Variants in SYNE2 observed in about 807,000 individuals in gnomAD.
The protein encoded by SYNE2 is spectrin repeat containing nuclear envelope protein 2.
Under a neutral mutation model 856.3 loss-of-function variants are expected in SYNE2, and 431 were observed. That is an observed-to-expected ratio of 0.50 (90% CI 0.47 to 0.55). SYNE2 has a LOEUF of 0.55. SYNE2 is among the 20% of genes least tolerant of loss of function. The probability of loss-of-function intolerance (pLI) is 0.00; values close to 1 mark genes in which losing one functional copy is unlikely to be tolerated. For synonymous variants in SYNE2, 2,923 were observed against 2,872.3 expected, an observed-to-expected ratio of 1.02 and a Z score of -0.56; for missense variants, 8,129 against 8,023.2, an observed-to-expected ratio of 1.01 and a Z score of -0.50.
intron 1 of SYNE2, among the ~76,000 whole-genome samples, chr14:63,774,468 CAAAAAAA>C (rs748830808): frequency 2.1e-5 from 2 of 95,326 alleles, no homozygotes; most frequent in Non-Finnish European, 4.1e-5. Flanking sequence ...GACTCCGTCT[CAAAAAAA>C]AAAAAAAAAA....
At chr14:63,867,460 G>A (rs1475988588) in intron 1 of SYNE2, among the ~76,000 whole-genome samples, 2 of 151,778 alleles carry the variant, frequency 1.3e-5, no homozygotes. Flanking sequence ...CACTTTGGGA[G>A]GCCGAGGCAG....
In SYNE2 at chr14:63,791,063, T is replaced by G. The variant is rs111812005; in HGVS notation, c.-305+29077T>G. Among the ~76,000 whole-genome samples, 867 of 152,208 alleles carry G rather than the reference T, an allele frequency of 5.7e-3. 5 individuals carry two copies. Among genetic ancestry groups the G allele is most frequent in the African/African-American group, 0.019 (801 of 41,532 alleles). On this transcript the variant is annotated intron_variant, in intron 1 of 23. Transcript: ENST00000674003. ...AACTCTGCCTCCCAGGTTCAAGTGA[T>G]TCTCATGCCTCAGCCTCCCAAGTAA...
intron 1 of SYNE2, among the ~76,000 whole-genome samples, chr14:63,845,416 CAA>C (rs34474637): frequency 1.7e-4 from 19 of 113,282 alleles, no homozygotes; most frequent in Non-Finnish European, 1.3e-4. Flanking sequence ...AACTCTGTCT[CAA>C]AAAAAAAAAA....
intron 6 of SYNE2, among the ~76,000 whole-genome samples, chr14:63,944,444 A>G (rs984009266): frequency 6.6e-6 from 1 of 151,114 alleles, no homozygotes; most frequent in African/African-American, 2.4e-5. Flanking sequence ...TTGCGATACA[A>G]TCTTAATTAT....
chr14:64,052,426 AT>A lies in SYNE2; in HGVS notation c.8520del (p.Phe2840LeufsTer3). 6.2e-7 allele frequency: 1 copy of A among 1,613,036 alleles called. No homozygotes were observed. The highest frequency in any genetic ancestry group is 2.2e-5 in the East Asian group (1 of 44,884). ...GAATTTAAGTTGGAAGAAAGAAGCA[AT>A]TTTTTTGCTATAATAAGGAAGTTTC... is the stretch of plus-strand genomic sequence containing the variant. ...QLEFKLEERS[N>X]FFAIIRKFQL... On this transcript the variant is annotated frameshift_variant, in exon 48 of 116. Coordinates refer to ENST00000555002, the MANE Select transcript of SYNE2 (RefSeq NM_182914.3). LOFTEE classifies it high-confidence loss of function.
chr14:64,188,275 C>T (rs2098501683), intron 97 of SYNE2, among the ~76,000 whole-genome samples: 1 of 152,124 alleles, frequency 6.6e-6, no homozygotes, highest in South Asian at 2.1e-4. Flanking sequence ...TTTACTATAA[C>T]CAGATAGTAA....
chr14:64,215,396 G>A, intron 107 of SYNE2, 42 bp downstream of exon 107: 3 of 1,594,782 alleles, frequency 1.9e-6, no homozygotes, highest in Non-Finnish European at 2.6e-6. Flanking sequence ...GCAGCATCCT[G>A]TGGCGCACAC....
At chr14:63,969,177 T>C (rs2096439751) in intron 11 of SYNE2, among the ~76,000 whole-genome samples, 1 of 150,988 alleles carries the variant, frequency 6.6e-6, no homozygotes, top group Admixed American at 6.6e-5. Context: ...TTCTTTTTTT[T>C]TTTTTTTTTT....
intron 16 of SYNE2, 137 bp from the exon 17 acceptor site, chr14:63,982,493 C>T: frequency 1.2e-6 from 1 of 804,138 alleles, no homozygotes; most frequent in Non-Finnish European, 1.9e-6. Flanking sequence ...GCACTCCAGC[C>T]TGGGCAACAG....
chr14:63,879,149 A>G (rs1361746589), intron 1 of SYNE2, among the ~76,000 whole-genome samples: 2 of 152,236 alleles, frequency 1.3e-5, no homozygotes, highest in Non-Finnish European at 2.9e-5. Flanking sequence ...CTGAAGAACC[A>G]TACCATGACC....
chr14:64,102,065 C>T lies in SYNE2; in HGVS notation c.12492+23C>T, dbSNP rs185734255. 1.4e-4 allele frequency: 224 copies of T among 1,556,062 alleles called. 1 individual carries two copies. In the East Asian group the frequency reaches 2.6e-3, roughly 18 times the overall value. On this transcript the variant is annotated intron_variant, in intron 64 of 115. Coordinates refer to ENST00000555002, the MANE Select transcript of SYNE2 (RefSeq NM_182914.3). ...CAGGTAATGCTGGGCGTATCAGCCA[C>T]GCTTAGGGGTTACGAGGGCCCAGGG...
At chr14:64,024,833 C>A in intron 39 of SYNE2, 79 bp from the exon 40 acceptor site, 2 of 1,486,190 alleles carry the variant, frequency 1.3e-6, no homozygotes, top group Non-Finnish European at 1.9e-6. Context: ...GGTTGAGTCA[C>A]AAGGTTTGTG....
chr14:63,769,177 A>G (rs2139699782), intron 1 of SYNE2, among the ~76,000 whole-genome samples: 1 of 152,360 alleles, frequency 6.6e-6, no homozygotes, highest in African/African-American at 2.4e-5. Flanking sequence ...AGAGCGATGA[A>G]GTAAACTTCC....
At chr14:64,000,119 G>A (rs558264281) in intron 27 of SYNE2, among the ~76,000 whole-genome samples, 1 of 152,292 alleles carries the variant, frequency 6.6e-6, no homozygotes, top group South Asian at 2.1e-4. Context: ...TAGAATTATA[G>A]ATGTTAATTA....
chr14:64,170,596 T>G, intron 94 of SYNE2, 134 bp downstream of exon 94: 1 of 890,628 alleles, frequency 1.1e-6, no homozygotes, highest in Non-Finnish European at 1.8e-6. Context: ...GCCAGCAAGG[T>G]GCAGTCACCA....
intron 1 of SYNE2, among the ~76,000 whole-genome samples, chr14:63,869,648 A>C (rs955536142): frequency 1.3e-5 from 2 of 151,390 alleles, no homozygotes; most frequent in African/African-American, 4.9e-5. Context: ...AAAAAAAAAA[A>C]AAAAAAAAAA....
chr14:63,960,938 G>T, intron 8 of SYNE2: 1 of 545,600 alleles, frequency 1.8e-6, no homozygotes, highest in Non-Finnish European at 3.3e-6. Flanking sequence ...GTTTAATTCA[G>T]CATTTTACAA....
chr14:63,983,322 C>T (rs992690033), intron 17 of SYNE2, among the ~76,000 whole-genome samples: 1 of 152,158 alleles, frequency 6.6e-6, no homozygotes, highest in African/African-American at 2.4e-5. Context: ...AGTGTATGCT[C>T]AAGAGAGCTT....
In SYNE2 at chr14:63,996,949, C is replaced by G. The variant is rs748082506; in HGVS notation, c.2943C>G (p.Ala981=). 6.2e-7 allele frequency: 1 copy of G among 1,614,014 alleles called. No homozygotes were observed. Among genetic ancestry groups the G allele is most frequent in the South Asian group, 1.1e-5 (1 of 91,062 alleles). The change falls in exon 24 of 116, where the codon GCC becomes GCG. Residue 981 remains alanine, a splice_region_variant and synonymous_variant. Coordinates refer to ENST00000555002, the MANE Select transcript of SYNE2 (RefSeq NM_182914.3). ...RTKGLIKEHE[A]CFSEEGCLYQ... ...TCCTGCTTTATTTCTTCAATTAGGC[C>G]TGCTTTTCTGAGGAAGGCTGCCTGT...
Sources: allele counts gnomAD v4.1 joint callset (sites outside exome capture counted in the v4.1 genomes callset), GRCh38; gene constraint gnomAD v4.1.1; transcripts MANE v1.5; gene names NCBI Gene and HGNC (gene_info 2026-07-23, HGNC 2026-07-21).